ODAD1: variants seen among roughly 807,000 people sequenced by gnomAD.
The protein encoded by ODAD1 is outer dynein arm docking complex subunit 1, also known as outer dynein arm-docking complex subunit 1.
In ODAD1, 49 loss-of-function variants were observed where a neutral mutation model predicts 67.2. The ratio of observed to expected loss-of-function variants is 0.73; its 90% CI spans 0.58 to 0.92. The LOEUF (loss-of-function observed/expected upper bound fraction) is 0.92. Ranked by LOEUF, ODAD1 falls within the 40% of genes least tolerant of loss-of-function variation. The pLI, the probability that ODAD1 is intolerant of heterozygous loss-of-function variation, is 0.00. For missense variants in ODAD1, 897 were observed against 953.7 expected (o/e 0.94, Z 0.78); for synonymous variants, 345 against 393.7 (o/e 0.88, Z 1.46).
rs3900138 is a variant in ODAD1, at chr19:48,310,684, G to A, written c.597+869C>T. On this transcript the variant is annotated intron_variant, in intron 7 of 15. Coordinates refer to ENST00000674294, the MANE Select transcript of ODAD1 (RefSeq NM_001364171.2). ...ACCAATAGTAAGAGTGGGGGAGAAAGAGAAAATAAATGTGGCAAATTATCA... is the reference window on the plus strand; with the variant it reads ...ACCAATAGTAAGAGTGGGGGAGAAAAAGAAAATAAATGTGGCAAATTATCA... Among the ~76,000 whole-genome samples the A allele has an allele frequency of 3.2e-3, 484 of 152,310 alleles. 12 individuals are homozygous for A. Among genetic ancestry groups the A allele is most frequent in the Admixed American group, 0.021 (326 of 15,290 alleles).
rs1375535404 is a variant in ODAD1 at position 48,318,594 on chromosome 19, T to A, written c.171-18A>T. 4 of 1,548,558 alleles carry A rather than the reference T, an allele frequency of 2.6e-6. No individual in the cohort carries two copies. The highest frequency in any genetic ancestry group is 1.7e-4 in the Middle Eastern group (1 of 5,980). ...TCTCCTCACTACCCAGGCAGGGAGGTGGAAGAGGGGCCAGTAAGGGGGCAG... is the reference window on the plus strand; with the variant it reads ...TCTCCTCACTACCCAGGCAGGGAGGAGGAAGAGGGGCCAGTAAGGGGGCAG... On this transcript the variant is annotated intron_variant, in intron 4 of 15. Coordinates refer to ENST00000674294, the MANE Select transcript of ODAD1 (RefSeq NM_001364171.2).
intron 12 of ODAD1, among the ~76,000 whole-genome samples, chr19:48,301,563 A>G (rs1488876826): frequency 1.3e-5 from 2 of 152,272 alleles, no homozygotes; most frequent in East Asian, 3.8e-4. Context: ...GAAATTTGGT[A>G]ACTAAGACTA....
Position 48,302,820 on chromosome 19 carries a change from G to A in ODAD1, c.1114C>T (p.Gln372Ter). The change falls in exon 12 of 16, where the codon CAG becomes TAG. Residue 372 changes from glutamine (Q) to a stop codon, truncating the protein, a stop_gained. Transcript: ENST00000674294. LOFTEE classifies it high-confidence loss of function. ...TGCTGCTGCTCCTGCAGCAAATGCT[G>A]GTCATCCTTGCTGGCACGTGCGCTC... ...LVSARASKDD[Q>*]HLLQEQQQKV... The A allele has an allele frequency of 6.2e-7, 1 of 1,614,024 alleles. No homozygotes were observed. Among genetic ancestry groups the A allele is most frequent in the Non-Finnish European group, 8.5e-7 (1 of 1,179,990 alleles).
At position 48,303,052 on chromosome 19, in the gene ODAD1, C is replaced by A. The variant is rs1968512101; in HGVS notation, c.1032G>T (p.Gln344His). The A allele has an allele frequency of 6.2e-7, 1 of 1,614,028 alleles. No homozygotes were observed. Among genetic ancestry groups the A allele is most frequent in the Admixed American group, 1.7e-5 (1 of 59,984 alleles). ...CCTGCACATGCTCCAGCTCCAAGTT[C>A]TGCTCGTTGATGAAGTTGAACTCAG... ...NFAEFNFINE[Q>H]NLELEHVQEE... Residue 344 changes from glutamine (Q) to histidine (H), a missense_variant, in exon 11 of 16, where the codon CAG becomes CAT. Transcript: ENST00000674294.
In ODAD1 at chr19:48,303,672, C is replaced by G; in HGVS notation, c.966G>C (p.Leu322=). The change falls in exon 10 of 16, where the codon CTG becomes CTC. Residue 322 remains leucine (L), a synonymous_variant. Coordinates refer to ENST00000674294, the MANE Select transcript of ODAD1 (RefSeq NM_001364171.2). ...CACTCTCCAGATACTTCTGCACCAACAGGTCAGGGTCACTCTCCCCCATCA... is the reference window on the plus strand; with the variant it reads ...CACTCTCCAGATACTTCTGCACCAAGAGGTCAGGGTCACTCTCCCCCATCA... ...SQLMGESDPD[L]LVQKYLEIEE... The G allele has an allele frequency of 1.9e-6, 3 of 1,614,154 alleles. No homozygotes were observed. Among genetic ancestry groups the G allele is most frequent in the Non-Finnish European group, 1.7e-6 (2 of 1,179,994 alleles).
rs766412363 is a variant in ODAD1, at chr19:48,297,409, C to A, written c.1691G>T (p.Gly564Val). 2.2e-5 allele frequency: 35 copies of A among 1,605,484 alleles called. No homozygotes were observed. Among genetic ancestry groups the A allele is most frequent in the Non-Finnish European group, 2.7e-5 (32 of 1,179,858 alleles). ...SVDLASTQRA[G>V]SSTVLVPTRH... Reference sequence around the variant, plus strand: ...GGTGGGCACCAGGACGGTACTGGAGCCGGCCCTCTGGGTGCTGGCCAGGTC... The same window carrying A: ...GGTGGGCACCAGGACGGTACTGGAGACGGCCCTCTGGGTGCTGGCCAGGTC... Residue 564 changes from glycine (G) to valine (V), a missense_variant, in exon 16 of 16, where the codon GGC becomes GTC. By Grantham distance (109) the Gly-to-Val change is moderately radical. Transcript: ENST00000674294.
intron 15 of ODAD1, 25 bp downstream of exon 15, chr19:48,297,565 C>A: frequency 6.3e-7 from 1 of 1,586,574 alleles, no homozygotes. Context: ...AGGCCTGGCC[C>A]CACCCCCGCA....
At chr19:48,311,961 T>A in intron 6 of ODAD1, 33 bp downstream of exon 6, 2 of 1,546,650 alleles carry the variant, frequency 1.3e-6, no homozygotes, top group Non-Finnish European at 1.7e-6. Context: ...AACCGCACAA[T>A]TCAGGTCGAG....
Position 48,318,826 on chromosome 19 carries a change from C to T in ODAD1, c.71-14G>A. 2 of 1,513,274 alleles carry T rather than the reference C, an allele frequency of 1.3e-6. No homozygotes were observed. The highest frequency in any genetic ancestry group is 1.8e-6 in the Non-Finnish European group (2 of 1,113,066). 93.7% of individuals were successfully genotyped at this position (1,513,274 alleles called of 1,614,324 possible). ...GCTCCCAATCCACTGAGAACAGGGC[C>T]AGCCAAGGGACTCAGCAGGGATCCT... On this transcript the variant is annotated splice_polypyrimidine_tract_variant and intron_variant, in intron 3 of 15. Coordinates refer to ENST00000674294, the MANE Select transcript of ODAD1 (RefSeq NM_001364171.2).
At chr19:48,309,830 T>C (rs181845215) in intron 7 of ODAD1, among the ~76,000 whole-genome samples, 186 of 152,320 alleles carry the variant, frequency 1.2e-3, no homozygotes, top group African/African-American at 4.2e-3. Context: ...TCACTAGTCA[T>C]GGGACAAGTT....
intron 12 of ODAD1, among the ~76,000 whole-genome samples, chr19:48,299,738 T>C (rs1168487663): frequency 1.3e-5 from 2 of 151,796 alleles, no homozygotes; most frequent in East Asian, 1.9e-4. Context: ...GAGGGGGAGA[T>C]TGCAGTGAGC....
At chr19:48,311,162 A>T (rs1968749046) in intron 7 of ODAD1, among the ~76,000 whole-genome samples, 1 of 152,200 alleles carries the variant, frequency 6.6e-6, no homozygotes, top group Non-Finnish European at 1.5e-5. Context: ...TAGTGAGCCA[A>T]GATCACTTCA....
Position 48,296,998 on chromosome 19 carries a change from G to T in ODAD1, c.2102C>A (p.Thr701Asn). The change falls in exon 16 of 16, where the codon ACC becomes AAC. Residue 701 changes from threonine to asparagine, a missense_variant. By Grantham distance (65) the Thr-to-Asn change is moderately conservative. Transcript: ENST00000674294. ...GTGTTAGCCCCGGGAGTCTTTGCTGGTGGAGGAGCCCGGGCCAGTGCTGGA... is the reference window on the plus strand; with the variant it reads ...GTGTTAGCCCCGGGAGTCTTTGCTGTTGGAGGAGCCCGGGCCAGTGCTGGA... ...PASSTGPGSS[T>N]SKDSRG 1 of 1,606,388 alleles carries T rather than the reference G, an allele frequency of 6.2e-7. No homozygotes were observed. Among genetic ancestry groups the T allele is most frequent in the Non-Finnish European group, 8.5e-7 (1 of 1,177,486 alleles).
At chr19:48,303,847 G>T (rs555701919) in intron 9 of ODAD1, 63 bp from the exon 10 acceptor site, 48 of 1,575,900 alleles carry the variant, frequency 3.0e-5, no homozygotes, top group Non-Finnish European at 3.8e-5. Flanking sequence ...GACCTCCTGG[G>T]TGAGGGGGAG....
Position 48,304,144 on chromosome 19 carries a change from C to A in ODAD1, c.666-4G>T, listed in dbSNP as rs56177753. 4 of 1,597,072 alleles carry A rather than the reference C, an allele frequency of 2.5e-6. No individual in the cohort carries two copies. The highest frequency in any genetic ancestry group is 2.2e-5 in the South Asian group (2 of 90,548). On this transcript the variant is annotated splice_polypyrimidine_tract_variant and splice_region_variant and intron_variant, in intron 8 of 15. Coordinates refer to ENST00000674294, the MANE Select transcript of ODAD1 (RefSeq NM_001364171.2). ...CATCTTGGCCTTCGCCTCCTCCCTG[C>A]GGGGGTCAGCCGGGGTCAGGATGAC...
intron 6 of ODAD1, 68 bp from the exon 7 acceptor site, chr19:48,311,734 C>T: frequency 1.0e-6 from 1 of 981,702 alleles, no homozygotes. Context: ...CCAAGCTCAG[C>T]CAAGGAGGAG....
At chr19:48,303,517 T>G in intron 10 of ODAD1, 133 bp downstream of exon 10, 1 of 1,137,468 alleles carries the variant, frequency 8.8e-7, no homozygotes. Context: ...GGGCGGCGGG[T>G]CCCAGGCATG....
Position 48,303,781 on chromosome 19 carries a change from C to G in ODAD1, c.857G>C (p.Gly286Ala), listed in dbSNP as rs1385346964. 6 of 1,607,260 alleles carry G rather than the reference C, an allele frequency of 3.7e-6. No individual in the cohort carries two copies. The East Asian group carries it at 1.3e-4, about 36-fold the overall frequency. The part of the protein sequence containing the change: ...DVLEKREKQA[G>A]EVAEGVWKTS... ...CTTCCAGACGCCCTCGGCCACCTCC[C>G]CGGCTAGGGGAAGAGAGAACAGCAG... Residue 286 changes from glycine to alanine, a missense_variant, in exon 10 of 16, where the codon GGG (glycine) becomes GCG (alanine). Coordinates refer to ENST00000674294, the MANE Select transcript of ODAD1 (RefSeq NM_001364171.2).
intron 10 of ODAD1, chr19:48,303,426 T>G: frequency 1.7e-6 from 1 of 601,712 alleles, no homozygotes. Context: ...GGGAAGGATG[T>G]GGAGAGTGAC....
Sources: allele counts gnomAD v4.1 joint callset (sites outside exome capture counted in the v4.1 genomes callset), GRCh38; gene constraint gnomAD v4.1.1; transcripts MANE v1.5; gene names NCBI Gene and HGNC (gene_info 2026-07-23, HGNC 2026-07-21).